AKAP13: variants seen among roughly 807,000 people sequenced by gnomAD.
AKAP13 encodes A-kinase anchoring protein 13.
A neutral mutation model predicts 264.5 loss-of-function variants in AKAP13; 80 were observed. That is an observed-to-expected ratio of 0.30 (90% CI 0.25 to 0.36). The LOEUF is 0.36. Ranked by LOEUF, AKAP13 falls within the 10% of genes least tolerant of loss-of-function variation. AKAP13 has a pLI of 1.00. For missense variants in AKAP13, 3,712 were observed against 3,435.2 expected (o/e 1.08, Z -2.01); for synonymous variants, 1,380 against 1,250.2 (o/e 1.10, Z -2.19).
chr15:85,474,923 C>T (rs957470694), intron 1 of AKAP13, among the ~76,000 whole-genome samples: 20 of 152,154 alleles, frequency 1.3e-4, no homozygotes, highest in Non-Finnish European at 2.2e-4. Flanking sequence ...AGTCACATAA[C>T]GTGTGTGAGA....
intron 14 of AKAP13, among the ~76,000 whole-genome samples, chr15:85,676,164 G>T (rs2084217429): frequency 6.6e-6 from 1 of 152,148 alleles, no homozygotes; most frequent in South Asian, 2.1e-4. Flanking sequence ...GCCCACCTCG[G>T]CCTCCCAAAG....
chr15:85,744,541 T>G, intron 36 of AKAP13, 87 bp from the exon 37 acceptor site: 2 of 1,429,804 alleles, frequency 1.4e-6, no homozygotes, highest in Non-Finnish European at 2.0e-6. Context: ...CCTGTTTGCA[T>G]TACAGAAGAC....
intron 17 of AKAP13, among the ~76,000 whole-genome samples, chr15:85,695,417 C>T (rs984932037): frequency 6.6e-6 from 1 of 151,994 alleles, no homozygotes; most frequent in Non-Finnish European, 1.5e-5. Flanking sequence ...AAAACACACA[C>T]AAAAAAACGT....
At chr15:85,562,012 G>A (rs1012791362) in intron 5 of AKAP13, among the ~76,000 whole-genome samples, 3 of 152,146 alleles carry the variant, frequency 2.0e-5, no homozygotes, top group African/African-American at 7.2e-5. Flanking sequence ...AATGCTGGCT[G>A]GCTCCATTAC....
intron 5 of AKAP13, among the ~76,000 whole-genome samples, chr15:85,546,076 A>G (rs1026858351): frequency 9.9e-5 from 15 of 152,082 alleles, no homozygotes; most frequent in Non-Finnish European, 1.9e-4. Context: ...ATCATGCAAC[A>G]TTTGTCTTTC....
At chr15:85,567,591 T>C (rs184081611) in intron 5 of AKAP13, among the ~76,000 whole-genome samples, 2 of 152,310 alleles carry the variant, frequency 1.3e-5, no homozygotes, top group Admixed American at 1.3e-4. Context: ...TAAATACTCA[T>C]TTTCTATGTT....
intron 17 of AKAP13, among the ~76,000 whole-genome samples, chr15:85,699,151 T>A (rs140386151): frequency 1.3e-5 from 2 of 151,466 alleles, no homozygotes; most frequent in African/African-American, 2.4e-5. Flanking sequence ...TTATATAAAT[T>A]TACAAAAATA....
chr15:85,486,689 T>C (rs2075558525), intron 2 of AKAP13, among the ~76,000 whole-genome samples: 1 of 152,038 alleles, frequency 6.6e-6, no homozygotes, highest in East Asian at 1.9e-4. Flanking sequence ...TGCTTATGGT[T>C]TTATTCATTT....
intron 16 of AKAP13, among the ~76,000 whole-genome samples, chr15:85,688,158 A>G (rs549569365): frequency 6.6e-6 from 1 of 152,064 alleles, no homozygotes; most frequent in East Asian, 1.9e-4. Context: ...GAAGTACTGT[A>G]TTTTCTAAAT....
intron 1 of AKAP13, among the ~76,000 whole-genome samples, chr15:85,385,754 T>C (rs1157218781): frequency 2.6e-5 from 4 of 152,248 alleles, no homozygotes; most frequent in Non-Finnish European, 5.9e-5. Context: ...TTTTTGTATA[T>C]ACTTTGGAAT....
chr15:85,691,886 G>A (rs746002439), intron 16 of AKAP13: 3 of 487,042 alleles, frequency 6.2e-6, no homozygotes, highest in Middle Eastern at 6.4e-4. Flanking sequence ...GGCGTAGGAA[G>A]CTTATCTTTC....
At chr15:85,434,118 C>T (rs911351552) in intron 1 of AKAP13, among the ~76,000 whole-genome samples, 17 of 151,774 alleles carry the variant, frequency 1.1e-4, no homozygotes, top group African/African-American at 2.9e-4. Context: ...GTGCGCGCAC[C>T]GTGCGCGAGC....
chr15:85,407,516 A>T (rs2071731900), intron 1 of AKAP13, among the ~76,000 whole-genome samples: 1 of 151,756 alleles, frequency 6.6e-6, no homozygotes, highest in Non-Finnish European at 1.5e-5. Context: ...CTGGGATTAT[A>T]GGCATGAGCC....
At chr15:85,510,455 A>T (rs1465518172) in intron 2 of AKAP13, among the ~76,000 whole-genome samples, 3 of 152,226 alleles carry the variant, frequency 2.0e-5, no homozygotes, top group Non-Finnish European at 4.4e-5. Context: ...TTGAAGTAAT[A>T]ATAAAAGGAA....
At position 85,704,328 on chromosome 15, in the gene AKAP13, C is replaced by G. The variant is rs2086106999; in HGVS notation, c.5465-3691C>G. Among the ~76,000 whole-genome samples, 6 of 152,322 alleles carry G rather than the reference C, an allele frequency of 3.9e-5. No individual in the cohort carries two copies. In the South Asian group the frequency reaches 1.2e-3, roughly 32 times the overall value. On this transcript the variant is annotated intron_variant, in intron 17 of 36. Coordinates refer to ENST00000394518, the MANE Select transcript of AKAP13 (RefSeq NM_007200.5). ...ATTTCAGTTTGGCATGGCCACTCCT[C>G]TTATCATTGTATAAAGTTGATTTTC...
intron 2 of AKAP13, among the ~76,000 whole-genome samples, chr15:85,491,202 A>G (rs946717677): frequency 6.6e-6 from 1 of 151,906 alleles, no homozygotes; most frequent in African/African-American, 2.4e-5. Context: ...CCCTGGGCCT[A>G]CCTTCCCTCA....
intron 1 of AKAP13, among the ~76,000 whole-genome samples, chr15:85,424,286 T>G (rs2072662799): frequency 6.6e-6 from 1 of 152,238 alleles, no homozygotes; most frequent in Non-Finnish European, 1.5e-5. Flanking sequence ...TTAGTGTAGC[T>G]ACTTTCATCA....
At chr15:85,739,085 T>G (rs1487860315) in intron 33 of AKAP13, among the ~76,000 whole-genome samples, 4 of 152,184 alleles carry the variant, frequency 2.6e-5, no homozygotes, top group African/African-American at 9.6e-5. Flanking sequence ...CATAATTTAC[T>G]TAGTCTTTGT....
At chr15:85,631,498 TCTCTCACACACACACACACACACA>T (rs1163110936) in intron 8 of AKAP13, among the ~76,000 whole-genome samples, 17 of 66,586 alleles carry the variant, frequency 2.6e-4, no homozygotes, top group South Asian at 6.8e-4. Context: ...TCTCTCTCTC[TCTCTCACACACACACACACACACA>T]CACACACACA....
Sources: allele counts gnomAD v4.1 joint callset (sites outside exome capture counted in the v4.1 genomes callset), GRCh38; gene constraint gnomAD v4.1.1; transcripts MANE v1.5; gene names NCBI Gene and HGNC (gene_info 2026-07-23, HGNC 2026-07-21).